Variants in CROCC observed in about 807,000 individuals in gnomAD.
The protein encoded by CROCC is rootletin.
CROCC carries 180 observed loss-of-function variants against 245.2 expected under a neutral mutation model. That is an observed-to-expected ratio of 0.73 (90% CI 0.65 to 0.83). The LOEUF (loss-of-function observed/expected upper bound fraction) is 0.83. Among genes scored for constraint, CROCC ranks in the 40% least tolerant of loss-of-function variants. CROCC has a pLI of 0.00. For missense variants in CROCC, 2,688 were observed against 2,779.4 expected (o/e 0.97, Z 0.74); for synonymous variants, 1,205 against 1,241.6 (o/e 0.97, Z 0.62).
intron 11 of CROCC, 150 bp downstream of exon 11, chr1:16,938,633 A>G (rs577758179): frequency 1.1e-5 from 10 of 891,162 alleles, no homozygotes; most frequent in African/African-American, 8.2e-5. Flanking sequence ...TAGCTCACCC[A>G]GCCTCTGCCT....
In CROCC at chr1:16,968,204, A is replaced by G; in HGVS notation, c.4862A>G (p.Glu1621Gly). ...ATESELRASQ[E>G]KISKMKANET... ...GCCTGAGCCCCATGCCACCTGCAGG[A>G]GAAGATCAGCAAGATGAAGGCCAAT... Residue 1621 changes from glutamate to glycine, a missense_variant and splice_region_variant, in exon 31 of 37, where the codon GAG (glutamate) becomes GGG (glycine). Glu to Gly is a moderately conservative substitution (Grantham distance 98, BLOSUM62 -2). Around this residue, in one of 9 missense-constraint regions of CROCC, gnomAD observed 1,218 missense variants for 1,286.3 expected, o/e 0.95. Transcript: ENST00000375541. The G allele has an allele frequency of 6.4e-7, 1 of 1,560,720 alleles. No homozygotes were observed. Among genetic ancestry groups the G allele is most frequent in the Non-Finnish European group, 8.7e-7 (1 of 1,153,732 alleles).
chr1:16,951,250 A>G (rs1557622190), intron 20 of CROCC, 128 bp downstream of exon 20: 4 of 850,156 alleles, frequency 4.7e-6, no homozygotes, highest in African/African-American at 1.8e-5. Context: ...GGGGACAGCT[A>G]GGAGGACTGG....
At chr1:16,953,142 C>T (rs919247275) in intron 20 of CROCC, 160 bp from the exon 21 acceptor site, 20 of 676,226 alleles carry the variant, frequency 3.0e-5, no homozygotes, top group African/African-American at 2.0e-4. Context: ...ACGGCCCTGG[C>T]GTGTCCCCGT....
At chr1:16,938,356 A>T in intron 10 of CROCC, 44 bp from the exon 11 acceptor site, 1 of 1,516,530 alleles carries the variant, frequency 6.6e-7, no homozygotes, top group South Asian at 1.2e-5. Context: ...GTTTCAGATA[A>T]GACAGAACCC....
Position 16,936,862 on chromosome 1 carries a change from C to A in CROCC, c.1182C>A (p.Asp394Glu). ...TGCAAAGCGACCTGGACAAGGCTGA[C>A]CTCAGTGCCAGGTGGGTACCTGGTG... is the stretch of plus-strand genomic sequence containing the variant. ...QQMQSDLDKADLSARVTELGL... is the reference protein window; with the variant it reads ...QQMQSDLDKAELSARVTELGL... The change falls in exon 9 of 37, where the codon GAC (aspartate) becomes GAA (glutamate). Residue 394 changes from aspartate (D) to glutamate (E), a missense_variant. Physicochemically the swap from Asp to Glu is conservative, Grantham distance 45 (BLOSUM62 2). Coordinates refer to ENST00000375541, the MANE Select transcript of CROCC (RefSeq NM_014675.5). 1 of 1,610,204 alleles carries A rather than the reference C, an allele frequency of 6.2e-7. No individual in the cohort carries two copies. Among genetic ancestry groups the A allele is most frequent in the East Asian group, 2.2e-5 (1 of 44,858 alleles).
chr1:16,936,296 C>G (rs1275690657), intron 8 of CROCC, among the ~76,000 whole-genome samples: 8 of 152,260 alleles, frequency 5.3e-5, no homozygotes, highest in African/African-American at 1.9e-4. Context: ...GAGACACAGT[C>G]TTGCTGTGTC....
rs1187176595 is a variant in CROCC, at chr1:16,935,906, G to A, written c.957-731G>A. ...TGTGCTGGGGTATATCGTTGGATAC[G>A]TTCTTAGAGGAGGAGCCGGTGGGGA... On this transcript the variant is annotated intron_variant, in intron 8 of 36. Transcript: ENST00000375541. Among the ~76,000 whole-genome samples the A allele has an allele frequency of 1.1e-4, 16 of 152,378 alleles. No individual in the cohort carries two copies. In the East Asian group the frequency reaches 2.7e-3, roughly 26 times the overall value.
intron 27 of CROCC, among the ~76,000 whole-genome samples, chr1:16,961,340 C>G (rs1379924115): frequency 6.6e-6 from 1 of 151,896 alleles, no homozygotes; most frequent in African/African-American, 2.4e-5. Context: ...CTTCTTTTTT[C>G]TTTAGACCAG....
In CROCC at chr1:16,946,949, G is replaced by A. The variant is rs7545185; in HGVS notation, c.2472G>A (p.Thr824=). 0.18 allele frequency: 266,623 copies of A among 1,514,548 alleles called. No homozygotes were observed. The highest frequency in any genetic ancestry group is 0.4 in the East Asian group (16,276 of 40,862). 93.8% of individuals were successfully genotyped at this position (1,514,548 alleles called of 1,614,324 possible). A position where few individuals can be genotyped will look rare whatever the true frequency, so the allele number is the denominator to read the frequency against. Residue 824 remains threonine (T), a synonymous_variant, in exon 17 of 37, where the codon ACG becomes ACA. Coordinates refer to ENST00000375541, the MANE Select transcript of CROCC (RefSeq NM_014675.5). The stretch of plus-strand genomic sequence containing the variant: ...AGGCATTGGAGCAGCAGCTCCCCAC[G>A]CTGCGCCATGAGCGCAGCCAGCTGC... ...AQEALEQQLP[T]LRHERSQLQE...
chr1:16,963,127 G>A (rs2076360756), intron 27 of CROCC, among the ~76,000 whole-genome samples: 1 of 150,370 alleles, frequency 6.7e-6, no homozygotes, highest in African/African-American at 2.5e-5. Context: ...AGGTTGTGGT[G>A]AGCCGAGATC....
rs2076056224 is a variant in CROCC at position 16,946,773 on chromosome 1, A to G, written c.2296A>G (p.Lys766Glu). The change falls in exon 17 of 37, where the codon AAG (lysine) becomes GAG (glutamate). Residue 766 changes from lysine to glutamate, a missense_variant. Transcript: ENST00000375541. ...ACCTGGCCTCCAGCTGGAGGAAGAA[A>G]AGTCCGCCCTGCAGGGCCGGCAACG... Reference protein sequence around the residue: ...NRLVAQLEEEKSALQGRQRQA... With the variant: ...NRLVAQLEEEESALQGRQRQA... 4.5e-6 allele frequency: 7 copies of G among 1,551,508 alleles called. No homozygotes were observed. Among genetic ancestry groups the G allele is most frequent in the Non-Finnish European group, 6.1e-6 (7 of 1,147,042 alleles).
At chr1:16,925,955 CA>C (rs2075525403) in intron 3 of CROCC, among the ~76,000 whole-genome samples, 1 of 152,270 alleles carries the variant, frequency 6.6e-6, no homozygotes, top group South Asian at 2.1e-4. Context: ...CACAGTGCCA[CA>C]CCCCCAGGGC....
chr1:16,946,972 T>C lies in CROCC; in HGVS notation c.2495T>C (p.Leu832Pro). ...ACGCTGCGCCATGAGCGCAGCCAGCTGCAGGAGCAGCTAGCGCAGGTGGGC... is the reference window on the plus strand; with the variant it reads ...ACGCTGCGCCATGAGCGCAGCCAGCCGCAGGAGCAGCTAGCGCAGGTGGGC... ...LPTLRHERSQ[L>P]QEQLAQLSRQ... The change falls in exon 17 of 37, where the codon CTG becomes CCG. Residue 832 changes from leucine to proline, a missense_variant. Transcript: ENST00000375541. The C allele has an allele frequency of 6.4e-7, 1 of 1,554,456 alleles. No homozygotes were observed.
At chr1:16,922,837 A>G (rs780355122) in intron 2 of CROCC, 39 bp downstream of exon 2, 2 of 1,595,772 alleles carry the variant, frequency 1.3e-6, no homozygotes, top group Non-Finnish European at 1.7e-6. Flanking sequence ...AACACCACCC[A>G]CATTTTACCT....
chr1:16,945,378 G>A, intron 14 of CROCC, 84 bp from the exon 15 acceptor site: 1 of 1,583,206 alleles, frequency 6.3e-7, no homozygotes, highest in South Asian at 1.2e-5. Context: ...CTCAGGCCTG[G>A]TCCCCAGCCC....
In CROCC at chr1:16,970,254, T is replaced by C; in HGVS notation, c.5453T>C (p.Val1818Ala). The C allele has an allele frequency of 1.3e-6, 2 of 1,551,378 alleles. No individual in the cohort carries two copies. Among genetic ancestry groups the C allele is most frequent in the Non-Finnish European group, 8.7e-7 (1 of 1,143,730 alleles). Residue 1818 changes from valine to alanine, a missense_variant and splice_region_variant, in exon 34 of 37, where the codon GTG becomes GCG. Physicochemically the swap from Val to Ala is moderately conservative, Grantham distance 64. Coordinates refer to ENST00000375541, the MANE Select transcript of CROCC (RefSeq NM_014675.5). Reference protein sequence around the residue: ...AEGQLQQLREVLRQRQEGEAA... With the variant: ...AEGQLQQLREALRQRQEGEAA... ...GGGCCTGCCTGGCTTCTGTTGCAGGTGCTGCGGCAGCGGCAGGAGGGTGAG... is the reference window on the plus strand; with the variant it reads ...GGGCCTGCCTGGCTTCTGTTGCAGGCGCTGCGGCAGCGGCAGGAGGGTGAG...
At chr1:16,939,196 C>G in intron 12 of CROCC, 54 bp downstream of exon 12, 3 of 1,264,762 alleles carry the variant, frequency 2.4e-6, no homozygotes, top group Admixed American at 3.8e-5. Context: ...GGGAGGGGCT[C>G]GCGCCCTCCG....
Position 16,929,688 on chromosome 1 carries a change from A to G in CROCC, c.352-158A>G, listed in dbSNP as rs994451053. 5.8e-4 allele frequency among the ~76,000 whole-genome samples: 89 copies of G among 152,382 alleles called. 1 individual carries two copies. The highest frequency in any genetic ancestry group is 4.3e-4 in the Non-Finnish European group (29 of 68,032). ...GCTGCATCACCCCATACACACGTGC[A>G]CTGCCCCTGGGCTTGCCCACATGTG... is the stretch of plus-strand genomic sequence containing the variant. On this transcript the variant is annotated intron_variant, in intron 3 of 36. Coordinates refer to ENST00000375541, the MANE Select transcript of CROCC (RefSeq NM_014675.5).
At chr1:16,946,548 C>G (rs1440644581) in intron 16 of CROCC, 143 bp downstream of exon 16, 7 of 1,315,868 alleles carry the variant, frequency 5.3e-6, no homozygotes, top group Non-Finnish European at 7.4e-6. Context: ...GGTTCTCTGT[C>G]TGTCTGTCTA....
Sources: gnomAD v4.1 joint callset for allele counts (sites outside exome capture counted in the v4.1 genomes callset) on GRCh38, gnomAD v4.1.1 for gene constraint, gnomAD v4.1.1 regional missense constraint, MANE v1.5 for transcripts, NCBI Gene and HGNC (gene_info 2026-07-23, HGNC 2026-07-21) for gene names.